MAPK10: variants seen among roughly 807,000 people sequenced by gnomAD.
MAPK10 encodes the protein mitogen-activated protein kinase 10, also known as JNK3 alpha protein kinase.
In MAPK10, 25 loss-of-function variants were observed where a neutral mutation model predicts 59.3. That is an observed-to-expected ratio of 0.42 (90% CI 0.31 to 0.59). The LOEUF (loss-of-function observed/expected upper bound fraction) is 0.59. Ranked by LOEUF, MAPK10 falls within the 20% of genes least tolerant of loss-of-function variation. The pLI is 0.15. For synonymous variants in MAPK10, 190 were observed against 200.5 expected (o/e 0.95, Z 0.44); for missense variants, 351 against 568.9 (o/e 0.62, Z 3.90).
chr4:86,178,743 G>A (rs1038813702), intron 3 of MAPK10, among the ~76,000 whole-genome samples: 1 of 152,130 alleles, frequency 6.6e-6, no homozygotes, highest in African/African-American at 2.4e-5. Flanking sequence ...AAGTCAAGTT[G>A]TCCCTGTTTG....
intron 1 of MAPK10, among the ~76,000 whole-genome samples, chr4:86,469,981 C>T (rs1003290024): frequency 6.6e-6 from 1 of 152,162 alleles, no homozygotes; most frequent in Admixed American, 6.5e-5. Flanking sequence ...ATAATCTAGA[C>T]AATACAAGGT....
intron 1 of MAPK10, among the ~76,000 whole-genome samples, chr4:86,372,583 G>GAAAAGAA (rs1739072587): frequency 2.1e-5 from 3 of 146,336 alleles, no homozygotes; most frequent in Non-Finnish European, 4.5e-5. Context: ...GAAAAGAAAA[G>GAAAAGAA]AAAAGAAAAG....
intron 9 of MAPK10, chr4:86,091,363 T>A (rs928135488): frequency 6.6e-6 from 1 of 151,664 alleles, no homozygotes; most frequent in Non-Finnish European, 1.5e-5. Flanking sequence ...TAGAAAGGCA[T>A]CCTACATATT....
At chr4:86,422,608 A>T (rs545168740) in intron 1 of MAPK10, among the ~76,000 whole-genome samples, 1 of 152,324 alleles carries the variant, frequency 6.6e-6, no homozygotes, top group East Asian at 1.9e-4. Context: ...CCTTACATAG[A>T]TTAACATCAT....
chr4:86,174,511 T>C lies in MAPK10; in HGVS notation c.67-15044A>G, dbSNP rs112561280. ...TGCATCAGGACAAATAGCTAATGCA[T>C]GTGGGTGGGTTGATAGGTGCAGGAA... On this transcript the variant is annotated intron_variant, in intron 3 of 13. Coordinates refer to ENST00000641462, the MANE Select transcript of MAPK10 (RefSeq NM_138982.4). 2.3e-4 allele frequency among the ~76,000 whole-genome samples: 35 copies of C among 152,232 alleles called. No homozygotes were observed. In the Middle Eastern group the frequency reaches 0.01, roughly 44 times the overall value.
intron 2 of MAPK10, among the ~76,000 whole-genome samples, chr4:86,201,167 T>C (rs1180557811): frequency 6.6e-6 from 1 of 151,932 alleles, no homozygotes; most frequent in Non-Finnish European, 1.5e-5. Flanking sequence ...TTGTTGTAAA[T>C]GACAGGATCT....
rs575185261 is a variant in MAPK10, at chr4:86,574,861, C to T, written c.-263+19049G>A. 5.9e-5 allele frequency among the ~76,000 whole-genome samples: 9 copies of T among 152,156 alleles called. No individual in the cohort carries two copies. In the South Asian group the frequency reaches 1.9e-3, roughly 32 times the overall value. Reference sequence around the variant, plus strand: ...GTACACCTCTTATTTCTTCTTCTTGCCTCATTGCTCTAAACAGGGCAGTTA... The same window carrying T: ...GTACACCTCTTATTTCTTCTTCTTGTCTCATTGCTCTAAACAGGGCAGTTA... On this transcript the variant is annotated intron_variant, in intron 1 of 4. Coordinates refer to the MAPK10 transcript ENST00000502302.
intron 4 of MAPK10, among the ~76,000 whole-genome samples, chr4:86,136,856 GA>G (rs1173893441): frequency 3.3e-5 from 5 of 151,416 alleles, no homozygotes; most frequent in African/African-American, 1.2e-4. Context: ...CAAGCCAATG[GA>G]AAACAAAAAA....
intron 3 of MAPK10, among the ~76,000 whole-genome samples, chr4:86,163,380 A>T (rs1436878555): frequency 6.6e-6 from 1 of 152,048 alleles, no homozygotes; most frequent in Non-Finnish European, 1.5e-5. Flanking sequence ...TTCAAATATA[A>T]TTTTTTCTTT....
At chr4:86,476,226 G>A (rs1753078022) in intron 1 of MAPK10, among the ~76,000 whole-genome samples, 1 of 151,546 alleles carries the variant, frequency 6.6e-6, no homozygotes, top group Non-Finnish European at 1.5e-5. Context: ...TGACCTCTCT[G>A]CTCCTCACCA....
intron 3 of MAPK10, among the ~76,000 whole-genome samples, chr4:86,179,662 C>T (rs376516011): frequency 3.3e-5 from 5 of 151,998 alleles, no homozygotes; most frequent in African/African-American, 1.2e-4. Flanking sequence ...CATAGGCCAA[C>T]AGAACAAATC....
intron 2 of MAPK10, among the ~76,000 whole-genome samples, chr4:86,351,890 G>T (rs753256172): frequency 6.6e-6 from 1 of 152,142 alleles, no homozygotes; most frequent in Non-Finnish European, 1.5e-5. Flanking sequence ...ATCTCAAAAA[G>T]ATTTGAGCAG....
intron 1 of MAPK10, among the ~76,000 whole-genome samples, chr4:86,546,224 CAAAAATA>C (rs959964343): frequency 7.3e-5 from 11 of 150,602 alleles, no homozygotes; most frequent in Non-Finnish European, 1.0e-4. Context: ...CTCTTGTCTC[CAAAAATA>C]AAAAATAAAA....
At chr4:86,085,969 G>A (rs1029355536) in intron 9 of MAPK10, among the ~76,000 whole-genome samples, 7 of 152,122 alleles carry the variant, frequency 4.6e-5, no homozygotes, top group Admixed American at 2.6e-4. Flanking sequence ...TGAACAATGA[G>A]AACACATGGA....
At chr4:86,431,412 G>A (rs138295531) in intron 1 of MAPK10, among the ~76,000 whole-genome samples, 46 of 152,320 alleles carry the variant, frequency 3.0e-4, no homozygotes, top group African/African-American at 1.1e-3. Flanking sequence ...CCAAGTGAAT[G>A]CCAGTTTGGC....
chr4:86,147,940 A>ATTCCT (rs2065408198), intron 4 of MAPK10, among the ~76,000 whole-genome samples: 1 of 152,154 alleles, frequency 6.6e-6, no homozygotes, highest in South Asian at 2.1e-4. Context: ...TTACTCCTGA[A>ATTCCT]ATTAGTGGGT....
chr4:86,400,327 A>G (rs1339060774), intron 1 of MAPK10, among the ~76,000 whole-genome samples: 1 of 152,102 alleles, frequency 6.6e-6, no homozygotes, highest in Non-Finnish European at 1.5e-5. Flanking sequence ...CTCAAGATAA[A>G]GTGTCGTATT....
intron 3 of MAPK10, chr4:86,171,025 A>G (rs2073960044): frequency 6.6e-6 from 1 of 152,158 alleles, no homozygotes; most frequent in South Asian, 2.1e-4. Flanking sequence ...TTTGAAACCA[A>G]CGAGAACAAA....
intron 2 of MAPK10, among the ~76,000 whole-genome samples, chr4:86,320,609 C>T (rs191389000): frequency 1.3e-5 from 2 of 152,228 alleles, no homozygotes; most frequent in East Asian, 3.9e-4. Context: ...TTGTAGGTTG[C>T]CTGTTCACTG....
Sources: gnomAD v4.1 joint callset for allele counts (sites outside exome capture counted in the v4.1 genomes callset) on GRCh38, gnomAD v4.1.1 for gene constraint, MANE v1.5 for transcripts, NCBI Gene and HGNC (gene_info 2026-07-23, HGNC 2026-07-21) for gene names.